KCNJ6: variants seen among roughly 807,000 people sequenced by gnomAD.
KCNJ6 encodes the protein potassium inwardly rectifying channel subfamily J member 6.
In KCNJ6, 9 loss-of-function variants were observed where a neutral mutation model predicts 34.2. That is an observed-to-expected ratio of 0.26 (90% CI 0.16 to 0.46). The LOEUF is 0.46. Among genes scored for constraint, KCNJ6 ranks in the 20% least tolerant of loss-of-function variants. The pLI, the probability that KCNJ6 is intolerant of heterozygous loss-of-function variation, is 1.00. For missense variants in KCNJ6, 236 were observed against 531.3 expected (o/e 0.44, Z 5.46); for synonymous variants, 196 against 207.1 (o/e 0.95, Z 0.46).
intron 1 of KCNJ6, among the ~76,000 whole-genome samples, chr21:37,863,608 G>T (rs1171240017): frequency 1.3e-5 from 2 of 152,092 alleles, no homozygotes; most frequent in African/African-American, 4.8e-5. Context: ...CAGGAAATAA[G>T]GTTATTAAAA....
intron 3 of KCNJ6, among the ~76,000 whole-genome samples, chr21:37,703,190 G>GA (rs2054700620): frequency 6.6e-6 from 1 of 152,150 alleles, no homozygotes; most frequent in African/African-American, 2.4e-5. Context: ...GAACTATTAG[G>GA]AAAAATTGGT....
intron 2 of KCNJ6, among the ~76,000 whole-genome samples, chr21:37,790,295 G>A (rs543729849): frequency 4.6e-5 from 7 of 152,192 alleles, no homozygotes; most frequent in African/African-American, 7.2e-5. Flanking sequence ...TCTTAGATGC[G>A]GATCAAAGGA....
chr21:37,835,068 GAA>G (rs2055445262), intron 2 of KCNJ6, among the ~76,000 whole-genome samples: 2 of 152,190 alleles, frequency 1.3e-5, no homozygotes, highest in Non-Finnish European at 2.9e-5. Context: ...GGCTGCCAAG[GAA>G]AAGTGGGGAG....
intron 3 of KCNJ6, among the ~76,000 whole-genome samples, chr21:37,631,669 C>T (rs1250386351): frequency 6.6e-6 from 1 of 152,148 alleles, no homozygotes; most frequent in Non-Finnish European, 1.5e-5. Context: ...CTGAGAGTGG[C>T]CCCAGTGTAG....
At chr21:37,773,033 C>G (rs936272576) in intron 2 of KCNJ6, among the ~76,000 whole-genome samples, 25 of 152,172 alleles carry the variant, frequency 1.6e-4, no homozygotes, top group Admixed American at 5.9e-4. Context: ...TTCTCTAACA[C>G]GATAGCCATT....
At position 37,842,594 on chromosome 21, in the gene KCNJ6, G is replaced by A. The variant is rs28618221; in HGVS notation, c.-27-1885C>T. 1.5e-3 allele frequency among the ~76,000 whole-genome samples: 231 copies of A among 152,328 alleles called. 1 individual carries two copies. The highest frequency in any genetic ancestry group is 1.7e-3 in the Non-Finnish European group (119 of 68,036). The stretch of plus-strand genomic sequence containing the variant: ...GGAGCTGTAATCTACCAACCTGCTT[G>A]CTGTGGAATTTCACCCGTGATATTT... On this transcript the variant is annotated intron_variant, in intron 1 of 3. Coordinates refer to ENST00000609713, the MANE Select transcript of KCNJ6 (RefSeq NM_002240.5).
chr21:37,774,394 A>C (rs1297868707), intron 2 of KCNJ6, among the ~76,000 whole-genome samples: 2 of 152,020 alleles, frequency 1.3e-5, no homozygotes, highest in African/African-American at 4.8e-5. Flanking sequence ...ACATGTGCAC[A>C]ATGTGCGGGT....
At chr21:37,890,521 C>T (rs549495186) in intron 1 of KCNJ6, among the ~76,000 whole-genome samples, 57 of 152,310 alleles carry the variant, frequency 3.7e-4, no homozygotes, top group African/African-American at 1.3e-3. Flanking sequence ...CTTCTGCTTT[C>T]GTGGCCTCCT....
intron 3 of KCNJ6, among the ~76,000 whole-genome samples, chr21:37,659,114 G>A (rs1412392243): frequency 6.6e-6 from 1 of 152,232 alleles, no homozygotes; most frequent in Non-Finnish European, 1.5e-5. Context: ...CTGCACCTGT[G>A]TCAAAACTGT....
intron 2 of KCNJ6, among the ~76,000 whole-genome samples, chr21:37,745,656 C>T (rs1039621812): frequency 1.1e-4 from 17 of 152,170 alleles, no homozygotes; most frequent in African/African-American, 3.1e-4. Context: ...TAATTTGTTA[C>T]GGCAGCAAAG....
In KCNJ6 at chr21:37,612,819, G is replaced by A. The variant is rs1315296510; in HGVS notation, c.*12340C>T. 1.4e-5 allele frequency: 2 copies of A among 147,130 alleles called. No individual in the cohort carries two copies. The highest frequency in any genetic ancestry group is 2.5e-5 in the African/African-American group (1 of 40,080). The allele number at this position is 147,130 out of a possible 1,614,324, so 9.1% of individuals were successfully genotyped here. ...ATCGGTCACAGATCTAATGTAAAAT[G>A]CAAAACTATACAACTCCTAGAAGGT... On this transcript the variant is annotated 3_prime_UTR_variant, in exon 4 of 4. Transcript: ENST00000609713.
intron 3 of KCNJ6, among the ~76,000 whole-genome samples, chr21:37,698,293 G>C (rs538877448): frequency 3.3e-5 from 5 of 152,178 alleles, no homozygotes; most frequent in Admixed American, 1.3e-4. Context: ...TGCCTGTCCA[G>C]GAGAAATGGA....
chr21:37,643,079 A>T (rs978897641), intron 3 of KCNJ6, among the ~76,000 whole-genome samples: 1 of 152,204 alleles, frequency 6.6e-6, no homozygotes, highest in South Asian at 2.1e-4. Context: ...GGGACAGCTT[A>T]ACAAAAGACT....
At chr21:37,775,707 T>C (rs1406772700) in intron 2 of KCNJ6, among the ~76,000 whole-genome samples, 1 of 152,188 alleles carries the variant, frequency 6.6e-6, no homozygotes, top group Non-Finnish European at 1.5e-5. Context: ...TCCGTTGGTC[T>C]ATATTTCTGT....
chr21:37,742,751 GCTCT>G (rs1170788580), intron 2 of KCNJ6, among the ~76,000 whole-genome samples: 1 of 152,142 alleles, frequency 6.6e-6, no homozygotes, highest in Non-Finnish European at 1.5e-5. Context: ...TTCAGATTGG[GCTCT>G]CTCTAATTCA....
In KCNJ6 at chr21:37,610,351, C is replaced by T. The variant is rs2054238467; in HGVS notation, c.*14808G>A. 6.6e-6 allele frequency: 1 copy of T among 152,088 alleles called. No homozygotes were observed. The highest frequency in any genetic ancestry group is 6.6e-5 in the Admixed American group (1 of 15,266). 9.4% of individuals were successfully genotyped at this position (152,088 alleles called of 1,614,324 possible). On this transcript the variant is annotated 3_prime_UTR_variant, in exon 4 of 4. Transcript: ENST00000609713. ...CTGGGTCATAAAACATACCTTAACA[C>T]ATTTAAAAGAATAGAAATTCTCAGA...
rs2054295437 is a variant in KCNJ6, at chr21:37,623,111, A to C, written c.*2048T>G. On this transcript the variant is annotated 3_prime_UTR_variant, in exon 4 of 4. Coordinates refer to ENST00000609713, the MANE Select transcript of KCNJ6 (RefSeq NM_002240.5). The stretch of plus-strand genomic sequence containing the variant: ...CAACAGAGATTCAATGCAAAAAAGG[A>C]AATGCTGGCAAACAGGAAAGGGCTA... 6.6e-6 allele frequency: 1 copy of C among 152,308 alleles called. No individual in the cohort carries two copies. The highest frequency in any genetic ancestry group is 1.5e-5 in the Non-Finnish European group (1 of 68,092). The allele number at this position is 152,308 out of a possible 1,614,324, so 9.4% of individuals were successfully genotyped here.
intron 1 of KCNJ6, among the ~76,000 whole-genome samples, chr21:37,858,520 C>T (rs143089638): frequency 4.7e-3 from 710 of 149,944 alleles, no homozygotes; most frequent in Middle Eastern, 0.01. Context: ...AATATAGTTA[C>T]TGCACTTCAG....
chr21:37,770,670 A>G (rs1329049816), intron 2 of KCNJ6, among the ~76,000 whole-genome samples: 1 of 152,238 alleles, frequency 6.6e-6, no homozygotes, highest in Non-Finnish European at 1.5e-5. Flanking sequence ...ACAAAGAACC[A>G]TGACTAGCTG....
Sources: gnomAD v4.1 joint callset for allele counts (sites outside exome capture counted in the v4.1 genomes callset) on GRCh38, gnomAD v4.1.1 for gene constraint, MANE v1.5 for transcripts, NCBI Gene and HGNC (gene_info 2026-07-23, HGNC 2026-07-21) for gene names.